Variants in MRC1 observed in about 807,000 individuals in gnomAD.
MRC1 encodes the protein mannose receptor C-type 1, also known as macrophage mannose receptor 1.
A neutral mutation model predicts 102.9 loss-of-function variants in MRC1; 62 were observed. That is an observed-to-expected ratio of 0.60 (90% CI 0.49 to 0.74). The LOEUF (loss-of-function observed/expected upper bound fraction) is 0.74, where lower values mean the gene tolerates loss of function less well. MRC1 is among the 30% of genes least tolerant of loss of function. MRC1 has a pLI of 0.00. For missense variants in MRC1, 1,237 were observed against 862.8 expected (o/e 1.43, Z -5.43); for synonymous variants, 457 against 298.4 (o/e 1.53, Z -5.48).
intron 16 of MRC1, among the ~76,000 whole-genome samples, chr10:17,874,883 CT>C (rs1833407687): frequency 6.6e-6 from 1 of 152,128 alleles, no homozygotes; most frequent in Admixed American, 6.6e-5. Context: ...AAAATGGGTC[CT>C]TTTTACCAGA....
chr10:17,832,420 C>T lies in MRC1; in HGVS notation c.638-1255C>T, dbSNP rs902627839. 2.3e-4 allele frequency among the ~76,000 whole-genome samples: 35 copies of T among 149,540 alleles called. 1 individual carries two copies. The highest frequency in any genetic ancestry group is 4.0e-4 in the East Asian group (2 of 4,970). ...AAATACAAAAATTAGCCGGGCGTGG[C>T]GGCGTGTGCCTGTCGTCCCAGCTGC... On this transcript the variant is annotated intron_variant, in intron 3 of 29. Transcript: ENST00000569591.
rs1326788966 is a variant in MRC1, at chr10:17,885,446, G to C, written c.3147+11G>C. The C allele has an allele frequency of 1.3e-6, 1 of 780,428 alleles. No individual in the cohort carries two copies. The highest frequency in any genetic ancestry group is 2.4e-6 in the Non-Finnish European group (1 of 417,930). The allele number at this position is 780,428 out of a possible 1,614,324, so 48.3% of individuals were successfully genotyped here. A position where few individuals can be genotyped will look rare whatever the true frequency, so the allele number is the denominator to read the frequency against. On this transcript the variant is annotated intron_variant, in intron 22 of 29. Transcript: ENST00000569591. The stretch of plus-strand genomic sequence containing the variant: ...CTTTCTTATGAAGATGTAAATATCA[G>C]ATTCAGGTCACCTCTCTACACACCA...
intron 15 of MRC1, among the ~76,000 whole-genome samples, chr10:17,873,495 C>A (rs564412646): frequency 6.7e-6 from 1 of 148,900 alleles, no homozygotes; most frequent in African/African-American, 2.5e-5. Flanking sequence ...AACTCATGAT[C>A]TTTTTTTTTT....
Position 17,866,696 on chromosome 10 carries a change from A to G in MRC1, c.1918A>G (p.Thr640Ala). The change falls in exon 12 of 30, where the codon ACG becomes GCG. Residue 640 changes from threonine to alanine, a missense_variant. Physicochemically the swap from Thr to Ala is moderately conservative, Grantham distance 58. Coordinates refer to ENST00000569591, the MANE Select transcript of MRC1 (RefSeq NM_002438.4). ...AGTAACCCACCCACCGAAGCCCACG[A>G]CGACTCCCGAACCCAAATGTCCGGA... Reference protein sequence around the residue: ...EGVTHPPKPTTTPEPKCPEDW... With the variant: ...EGVTHPPKPTATPEPKCPEDW... The G allele has an allele frequency of 5.1e-6, 4 of 780,858 alleles. No individual in the cohort carries two copies. In the Middle Eastern group the frequency reaches 6.8e-4, roughly 132 times the overall value. 48.4% of individuals were successfully genotyped at this position (780,858 alleles called of 1,614,324 possible). A position where few individuals can be genotyped will look rare whatever the true frequency, so the allele number is the denominator to read the frequency against.
At chr10:17,879,641 G>A in intron 18 of MRC1, 80 bp from the exon 19 acceptor site, 1 of 780,572 alleles carries the variant, frequency 1.3e-6, no homozygotes, top group East Asian at 2.4e-5. Flanking sequence ...GGGATTACAG[G>A]CGTGAGCCAC....
At chr10:17,815,126 T>C (rs1394140327) in intron 1 of MRC1, among the ~76,000 whole-genome samples, 1 of 152,208 alleles carries the variant, frequency 6.6e-6, no homozygotes, top group African/African-American at 2.4e-5. Context: ...CTAAGCACTT[T>C]ATTTAGATGA....
intron 12 of MRC1, 103 bp downstream of exon 12, chr10:17,866,864 C>G: frequency 1.3e-6 from 1 of 747,878 alleles, no homozygotes; most frequent in Non-Finnish European, 2.5e-6. Context: ...ACACTCTGCC[C>G]AGACTCTACC....
At chr10:17,847,559 C>A (rs1589175804) in intron 6 of MRC1, among the ~76,000 whole-genome samples, 1 of 152,216 alleles carries the variant, frequency 6.6e-6, no homozygotes, top group East Asian at 1.9e-4. Flanking sequence ...GGATTAGCAA[C>A]AGCCTTAGGC....
At chr10:17,838,897 T>C (rs1838709517) in intron 4 of MRC1, among the ~76,000 whole-genome samples, 1 of 152,224 alleles carries the variant, frequency 6.6e-6, no homozygotes, top group Non-Finnish European at 1.5e-5. Context: ...TGTGCAGCAA[T>C]ACTAAAATAT....
At position 17,823,367 on chromosome 10, in the gene MRC1, T is replaced by C; in HGVS notation, c.355T>C (p.Tyr119His). The stretch of plus-strand genomic sequence containing the variant: ...CAAAGGAGAAGATTTATTTTTTAAC[T>C]ACGGCAACAGACAAGAAAAGAATAT... Reference protein sequence around the residue: ...GIKGEDLFFNYGNRQEKNIML... With the variant: ...GIKGEDLFFNHGNRQEKNIML... The change falls in exon 2 of 30, where the codon TAC becomes CAC. Residue 119 changes from tyrosine to histidine, a missense_variant. Coordinates refer to ENST00000569591, the MANE Select transcript of MRC1 (RefSeq NM_002438.4). The C allele has an allele frequency of 1.3e-6, 1 of 780,864 alleles. No homozygotes were observed. Among genetic ancestry groups the C allele is most frequent in the Non-Finnish European group, 2.4e-6 (1 of 417,956 alleles). The allele number at this position is 780,864 out of a possible 1,614,324, so 48.4% of individuals were successfully genotyped here.
At chr10:17,882,657 G>C (rs937172738) in intron 21 of MRC1, among the ~76,000 whole-genome samples, 1 of 152,162 alleles carries the variant, frequency 6.6e-6, no homozygotes, top group Non-Finnish European at 1.5e-5. Context: ...ATGCCACCAT[G>C]TGCTCTCTGA....
At chr10:17,906,766 T>C (rs1833901440) in intron 26 of MRC1, 120 bp from the exon 27 acceptor site, 3 of 755,112 alleles carry the variant, frequency 4.0e-6, no homozygotes, top group Admixed American at 3.7e-5. Context: ...TTTGAAATTC[T>C]TCCCCTTAAG....
intron 17 of MRC1, among the ~76,000 whole-genome samples, chr10:17,875,975 G>T (rs900663989): frequency 4.3e-4 from 66 of 152,242 alleles, no homozygotes; most frequent in African/African-American, 1.5e-3. Flanking sequence ...GAGTAAAGTG[G>T]TGTCACATTG....
chr10:17,899,066 T>C (rs1388447596), intron 24 of MRC1, among the ~76,000 whole-genome samples: 7 of 149,888 alleles, frequency 4.7e-5, no homozygotes, highest in East Asian at 2.0e-4. Context: ...TTTATAGATA[T>C]AGTCTAGGAT....
At chr10:17,838,016 C>T (rs1838695538) in intron 4 of MRC1, among the ~76,000 whole-genome samples, 2 of 151,864 alleles carry the variant, frequency 1.3e-5, no homozygotes, top group Admixed American at 6.6e-5. Flanking sequence ...CTAAAGCCCA[C>T]AGCAACCTCA....
intron 25 of MRC1, 130 bp from the exon 26 acceptor site, chr10:17,901,843 C>T (rs1833833916): frequency 2.7e-6 from 2 of 748,002 alleles, no homozygotes; most frequent in East Asian, 2.4e-5. Flanking sequence ...TATGGTGATC[C>T]AAATGATAAC....
intron 22 of MRC1, among the ~76,000 whole-genome samples, chr10:17,886,078 T>C (rs1411429484): frequency 1.3e-5 from 2 of 152,158 alleles, no homozygotes; most frequent in African/African-American, 4.8e-5. Context: ...ACAAGTCTTA[T>C]ATAAGAAGGA....
chr10:17,879,852 TG>T (rs1833489303), intron 19 of MRC1, 31 bp downstream of exon 19: 34 of 780,752 alleles, frequency 4.4e-5, no homozygotes, highest in Non-Finnish European at 6.9e-5. Flanking sequence ...GAATTTGCTT[TG>T]TGGCGTGGCG....
At chr10:17,832,285 C>G (rs1179787596) in intron 3 of MRC1, among the ~76,000 whole-genome samples, 1 of 151,372 alleles carries the variant, frequency 6.6e-6, no homozygotes, top group Non-Finnish European at 1.5e-5. Context: ...GGCTGGTATC[C>G]GTTCTTTTAA....
Sources: gnomAD v4.1 joint callset for allele counts (sites outside exome capture counted in the v4.1 genomes callset) on GRCh38, gnomAD v4.1.1 for gene constraint, MANE v1.5 for transcripts, NCBI Gene and HGNC (gene_info 2026-07-23, HGNC 2026-07-21) for gene names.